The following PTPRT variants were observed in gnomAD, a reference collection of about 807,000 sequenced individuals.
The protein encoded by PTPRT is protein tyrosine phosphatase receptor type T, also known as receptor-type tyrosine-protein phosphatase T.
A neutral mutation model predicts 176.8 loss-of-function variants in PTPRT; 56 were observed. The ratio of observed to expected loss-of-function variants is 0.32; its 90% CI spans 0.26 to 0.40. The LOEUF is 0.40. PTPRT is among the 10% of genes least tolerant of loss of function. The probability of loss-of-function intolerance (pLI) is 1.00; values close to 1 mark genes in which losing one functional copy is unlikely to be tolerated. For missense variants in PTPRT, 1,540 were observed against 1,908.2 expected, an observed-to-expected ratio of 0.81 and a Z score of 3.60; for synonymous variants, 783 against 739.0, an observed-to-expected ratio of 1.06 and a Z score of -0.96.
At chr20:42,110,701 A>G (rs1257186776) in intron 22 of PTPRT, among the ~76,000 whole-genome samples, 1 of 152,244 alleles carries the variant, frequency 6.6e-6, no homozygotes, top group East Asian at 1.9e-4. Context: ...GCTTTATTGC[A>G]GGATTTCTCA....
At chr20:42,684,300 A>G (rs909150515) in intron 6 of PTPRT, among the ~76,000 whole-genome samples, 13 of 151,986 alleles carry the variant, frequency 8.6e-5, no homozygotes, top group Admixed American at 2.6e-4. Context: ...AGCCAGGATC[A>G]TGCCACTGCA....
intron 8 of PTPRT, among the ~76,000 whole-genome samples, chr20:42,451,990 G>T (rs1303287670): frequency 6.6e-6 from 1 of 152,146 alleles, no homozygotes; most frequent in African/African-American, 2.4e-5. Flanking sequence ...CAAAATAGAG[G>T]CTGGGCTTGG....
intron 7 of PTPRT, among the ~76,000 whole-genome samples, chr20:42,511,941 A>G (rs1053130625): frequency 3.3e-5 from 5 of 152,096 alleles, no homozygotes; most frequent in African/African-American, 1.2e-4. Flanking sequence ...GTACATCATG[A>G]ATGAACAAGG....
chr20:42,137,388 T>C (rs1170984801), intron 18 of PTPRT, among the ~76,000 whole-genome samples: 1 of 152,200 alleles, frequency 6.6e-6, no homozygotes, highest in Non-Finnish European at 1.5e-5. Context: ...CTGCACTCCA[T>C]AGCCCCACCT....
intron 9 of PTPRT, among the ~76,000 whole-genome samples, chr20:42,380,793 A>G (rs1206641082): frequency 2.0e-5 from 3 of 152,168 alleles, no homozygotes; most frequent in African/African-American, 4.8e-5. Flanking sequence ...TCATGGAGGT[A>G]TGTTAGTGTG....
intron 1 of PTPRT, among the ~76,000 whole-genome samples, chr20:43,094,391 C>CT (rs71335878): frequency 0.096 from 6,199 of 64,670 alleles, 803 homozygotes; most frequent in African/African-American, 0.19. Context: ...CGGCCTCTTT[C>CT]TTTTTTTTTT....
intron 7 of PTPRT, among the ~76,000 whole-genome samples, chr20:42,676,776 C>T (rs557610311): frequency 6.6e-6 from 1 of 152,248 alleles, no homozygotes; most frequent in East Asian, 1.9e-4. Context: ...AGGTAATTTG[C>T]AACAAATAAA....
At chr20:42,592,779 T>G (rs1238385694) in intron 7 of PTPRT, among the ~76,000 whole-genome samples, 2 of 152,156 alleles carry the variant, frequency 1.3e-5, no homozygotes, top group East Asian at 3.9e-4. Context: ...ATGAGGCCTC[T>G]GAGGACTCCA....
chr20:42,726,758 C>T (rs79787373), intron 6 of PTPRT, among the ~76,000 whole-genome samples: 117 of 152,330 alleles, frequency 7.7e-4, no homozygotes, highest in African/African-American at 2.4e-3. Flanking sequence ...TCCTGCCTTC[C>T]ATTCTCTAGA....
chr20:43,053,600 G>C (rs960251165), intron 1 of PTPRT, among the ~76,000 whole-genome samples: 9 of 152,172 alleles, frequency 5.9e-5, no homozygotes, highest in Non-Finnish European at 1.3e-4. Context: ...TTCTGTTCCT[G>C]CCTCTGTTTG....
chr20:42,447,633 A>G (rs1460162073), intron 9 of PTPRT, among the ~76,000 whole-genome samples: 1 of 152,086 alleles, frequency 6.6e-6, no homozygotes, highest in Non-Finnish European at 1.5e-5. Context: ...TGGAAGGCAC[A>G]TTGTGTTGGC....
intron 7 of PTPRT, among the ~76,000 whole-genome samples, chr20:42,620,543 G>C (rs1430543107): frequency 1.3e-5 from 2 of 149,834 alleles, no homozygotes; most frequent in East Asian, 1.9e-4. Flanking sequence ...CCCCAGCCTC[G>C]TTGTCGCCTT....
Position 42,106,785 on chromosome 20 carries a change from C to A in PTPRT, c.3390+1G>T. 1 of 1,613,664 alleles carries A rather than the reference C, an allele frequency of 6.2e-7. No homozygotes were observed. The highest frequency in any genetic ancestry group is 2.2e-5 in the East Asian group (1 of 44,872). On this transcript the variant is annotated splice_donor_variant, in intron 24 of 30. Coordinates refer to ENST00000373187, the MANE Select transcript of PTPRT (RefSeq NM_007050.6). LOFTEE classifies it high-confidence loss of function. ...AACTGTCTTGGCCCCCTAGGACTCACCTCTGTCTGTACCAGGTTGACCCTT... is the reference window on the plus strand; with the variant it reads ...AACTGTCTTGGCCCCCTAGGACTCAACTCTGTCTGTACCAGGTTGACCCTT...
intron 11 of PTPRT, among the ~76,000 whole-genome samples, chr20:42,348,618 C>G (rs780426197): frequency 6.6e-6 from 1 of 151,996 alleles, no homozygotes; most frequent in Non-Finnish European, 1.5e-5. Context: ...TACAATGTTG[C>G]GAGAATACAG....
chr20:42,669,867 A>T (rs2075383516), intron 7 of PTPRT, among the ~76,000 whole-genome samples: 1 of 152,090 alleles, frequency 6.6e-6, no homozygotes, highest in African/African-American at 2.4e-5. Context: ...GAAAGGCCTC[A>T]TTCTTACAAG....
intron 11 of PTPRT, among the ~76,000 whole-genome samples, chr20:42,317,626 T>C (rs990984262): frequency 1.3e-5 from 2 of 152,080 alleles, no homozygotes; most frequent in Non-Finnish European, 2.9e-5. Context: ...AGACTATCCA[T>C]CTAAAGACAC....
At chr20:42,979,410 ATCATT>A (rs1201508306) in intron 1 of PTPRT, among the ~76,000 whole-genome samples, 3 of 152,132 alleles carry the variant, frequency 2.0e-5, no homozygotes, top group Admixed American at 6.5e-5. Context: ...ATCCTTTCTC[ATCATT>A]TGTTTCTTGG....
chr20:42,351,022 T>C (rs546996932), intron 10 of PTPRT, among the ~76,000 whole-genome samples: 13 of 152,050 alleles, frequency 8.5e-5, no homozygotes, highest in African/African-American at 1.2e-4. Flanking sequence ...GCAGGGAATA[T>C]AAGTACTAAC....
intron 6 of PTPRT, among the ~76,000 whole-genome samples, chr20:42,683,180 C>G (rs2075632572): frequency 6.6e-6 from 1 of 152,230 alleles, no homozygotes; most frequent in Non-Finnish European, 1.5e-5. Context: ...CACATTCATA[C>G]ACAGACAGAA....
Sources: gnomAD v4.1 joint callset for allele counts (sites outside exome capture counted in the v4.1 genomes callset) on GRCh38, gnomAD v4.1.1 for gene constraint, MANE v1.5 for transcripts, NCBI Gene and HGNC (gene_info 2026-07-23, HGNC 2026-07-21) for gene names.